Variants in RIMS1 observed in about 807,000 individuals in gnomAD.
RIMS1 encodes the protein regulating synaptic membrane exocytosis 1, also known as regulating synaptic membrane exocytosis protein 1.
Under a neutral mutation model 214.1 loss-of-function variants are expected in RIMS1, and 83 were observed. The observed-to-expected ratio is 0.39, with a 90% CI of 0.32 to 0.47. The LOEUF (loss-of-function observed/expected upper bound fraction) is 0.47, where lower values mean the gene tolerates loss of function less well. Among genes scored for constraint, RIMS1 ranks in the 20% least tolerant of loss-of-function variants. RIMS1 has a pLI of 0.99. For synonymous variants in RIMS1, 793 were observed against 786.8 expected (o/e 1.01, Z -0.13); for missense variants, 2,050 against 2,161.8 (o/e 0.95, Z 1.03).
chr6:72,037,212 G>A (rs188421402), intron 2 of RIMS1, among the ~76,000 whole-genome samples: 32 of 152,022 alleles, frequency 2.1e-4, no homozygotes, highest in African/African-American at 5.8e-4. Flanking sequence ...TTAGCAGCTC[G>A]TGGGTGGGTG....
intron 29 of RIMS1, among the ~76,000 whole-genome samples, chr6:72,368,115 A>G (rs2154397524): frequency 6.6e-6 from 1 of 152,182 alleles, no homozygotes; most frequent in Middle Eastern, 3.4e-3. Flanking sequence ...ATTTGGTTTT[A>G]TGCCATCATT....
intron 1 of RIMS1, among the ~76,000 whole-genome samples, chr6:71,965,754 A>G (rs928973801): frequency 6.6e-6 from 1 of 152,202 alleles, no homozygotes; most frequent in African/African-American, 2.4e-5. Context: ...AAATCTGAGT[A>G]ATTAAAGACT....
At chr6:72,390,813 AGT>A in intron 30 of RIMS1, 77 bp downstream of exon 30, 1 of 1,509,910 alleles carries the variant, frequency 6.6e-7, no homozygotes, top group Non-Finnish European at 9.0e-7. Context: ...AAAGCCACTG[AGT>A]GTTACTGTGC....
At chr6:72,375,278 T>A (rs555551089) in intron 29 of RIMS1, among the ~76,000 whole-genome samples, 1 of 152,220 alleles carries the variant, frequency 6.6e-6, no homozygotes, top group East Asian at 1.9e-4. Flanking sequence ...CTCTAATTAA[T>A]TGATTTTTAT....
intron 2 of RIMS1, among the ~76,000 whole-genome samples, chr6:72,071,903 T>G (rs147691004): frequency 8.6e-4 from 131 of 152,304 alleles, no homozygotes; most frequent in African/African-American, 2.9e-3. Context: ...ACATAACAGA[T>G]AGCAGTCTTC....
chr6:71,916,392 C>T (rs1282234263), intron 1 of RIMS1, among the ~76,000 whole-genome samples: 2 of 152,118 alleles, frequency 1.3e-5, no homozygotes, highest in Admixed American at 6.6e-5. Context: ...TTCTCACAGA[C>T]TCCATAGCTG....
chr6:72,144,860 A>G lies in RIMS1; in HGVS notation c.472-34715A>G, dbSNP rs1388248663. Among the ~76,000 whole-genome samples the G allele has an allele frequency of 3.3e-5, 5 of 151,948 alleles. No individual in the cohort carries two copies. In the East Asian group the frequency reaches 9.7e-4, roughly 29 times the overall value. On this transcript the variant is annotated intron_variant, in intron 4 of 33. Coordinates refer to ENST00000521978, the MANE Select transcript of RIMS1 (RefSeq NM_014989.7). ...GAGACTAGAATGTAATGACAAGTGT[A>G]TGATAAGGATTTTTTTTCTTTCTTT...
intron 6 of RIMS1, among the ~76,000 whole-genome samples, chr6:72,194,905 T>TAAATACTA (rs1458374102): frequency 6.6e-6 from 1 of 152,170 alleles, no homozygotes; most frequent in African/African-American, 2.4e-5. Context: ...TTTTAGCTTA[T>TAAATACTA]AAATACTAAC....
chr6:72,133,108 A>G (rs115207713), intron 4 of RIMS1, among the ~76,000 whole-genome samples: 1,715 of 152,280 alleles, frequency 0.011, 29 homozygotes, highest in African/African-American at 0.039. Context: ...GGAAATAAGC[A>G]AAAAGGTAAT....
intron 24 of RIMS1, among the ~76,000 whole-genome samples, chr6:72,284,518 T>TA (rs1346816324): frequency 6.6e-6 from 1 of 152,096 alleles, no homozygotes; most frequent in Non-Finnish European, 1.5e-5. Context: ...TGCCATCTTT[T>TA]AAAAAAATCA....
chr6:71,952,430 T>C (rs1789927129), intron 1 of RIMS1, among the ~76,000 whole-genome samples: 1 of 152,220 alleles, frequency 6.6e-6, no homozygotes, highest in South Asian at 2.1e-4. Flanking sequence ...GTCCTGTCTA[T>C]CACAGAGACT....
chr6:72,317,020 A>T, intron 28 of RIMS1: 2 of 409,332 alleles, frequency 4.9e-6, no homozygotes, highest in Non-Finnish European at 4.9e-6. Context: ...CTCCATTCTT[A>T]TGGGGCTGGG....
intron 1 of RIMS1, among the ~76,000 whole-genome samples, chr6:71,962,194 T>C (rs552480745): frequency 6.6e-6 from 1 of 152,300 alleles, no homozygotes; most frequent in African/African-American, 2.4e-5. Context: ...TTACCTATTA[T>C]TTTCTTTTCT....
chr6:71,894,080 G>A (rs1460041173), intron 1 of RIMS1, among the ~76,000 whole-genome samples: 1 of 152,144 alleles, frequency 6.6e-6, no homozygotes, highest in African/African-American at 2.4e-5. Context: ...TCAACAATAA[G>A]TAATGCAAGC....
intron 31 of RIMS1, among the ~76,000 whole-genome samples, chr6:72,395,223 G>A (rs956165734): frequency 5.3e-5 from 8 of 151,974 alleles, no homozygotes; most frequent in Non-Finnish European, 1.0e-4. Flanking sequence ...TAGAGAGACA[G>A]TTTTTGGAGA....
At chr6:72,293,538 G>A (rs144314240) in intron 26 of RIMS1, among the ~76,000 whole-genome samples, 2 of 151,866 alleles carry the variant, frequency 1.3e-5, no homozygotes, top group South Asian at 2.1e-4. Flanking sequence ...TTACAAACTC[G>A]GTCTTACCGA....
intron 4 of RIMS1, among the ~76,000 whole-genome samples, chr6:72,120,425 T>C (rs914463959): frequency 1.3e-5 from 2 of 152,028 alleles, no homozygotes; most frequent in African/African-American, 2.4e-5. Flanking sequence ...CATTTTTTCA[T>C]GTGTTTGTTG....
chr6:72,260,060 C>T (rs1172039423), intron 18 of RIMS1, among the ~76,000 whole-genome samples: 1 of 152,044 alleles, frequency 6.6e-6, no homozygotes, highest in African/African-American at 2.4e-5. Context: ...GGATTCCAGA[C>T]ATCTCAGCTT....
At chr6:71,930,868 AG>A (rs1279432197) in intron 1 of RIMS1, among the ~76,000 whole-genome samples, 1 of 152,072 alleles carries the variant, frequency 6.6e-6, no homozygotes, top group Non-Finnish European at 1.5e-5. Flanking sequence ...ATGGATTAAA[AG>A]CAGAACCAGT....
Sources: gnomAD v4.1 joint callset for allele counts (sites outside exome capture counted in the v4.1 genomes callset) on GRCh38, gnomAD v4.1.1 for gene constraint, MANE v1.5 for transcripts, NCBI Gene and HGNC (gene_info 2026-07-23, HGNC 2026-07-21) for gene names.